ZMYM2: variants seen among roughly 807,000 people sequenced by gnomAD.
ZMYM2 encodes the protein zinc finger MYM-type containing 2.
A neutral mutation model predicts 162.8 loss-of-function variants in ZMYM2; 56 were observed. The ratio of observed to expected loss-of-function variants is 0.34; its 90% CI spans 0.28 to 0.43. The LOEUF is 0.43. Ranked by LOEUF, ZMYM2 falls within the 20% of genes least tolerant of loss-of-function variation. The pLI is 1.00. For missense variants in ZMYM2, 1,275 were observed against 1,621.8 expected (o/e 0.79, Z 3.67); for synonymous variants, 510 against 541.6 (o/e 0.94, Z 0.81).
intron 6 of ZMYM2, among the ~76,000 whole-genome samples, chr13:20,011,085 A>T (rs769017711): frequency 1.3e-5 from 2 of 152,206 alleles, no homozygotes; most frequent in Admixed American, 6.5e-5. Context: ...TGTTGGGAAC[A>T]TTCGAAATTC....
the ZMYM2 span, among the ~76,000 whole-genome samples, chr13:19,894,667 TA>T: frequency 6.6e-6 from 1 of 151,982 alleles, no homozygotes; most frequent in South Asian, 2.1e-4. Context: ...TAATATAATT[TA>T]TTAACTACTG....
intron 3 of ZMYM2, among the ~76,000 whole-genome samples, chr13:19,994,187 G>T (rs1221787263): frequency 2.0e-5 from 3 of 152,188 alleles, no homozygotes; most frequent in Admixed American, 2.0e-4. Flanking sequence ...CATCACCAAA[G>T]TCTGATAATT....
chr13:19,904,970 G>A, the ZMYM2 span, among the ~76,000 whole-genome samples: 8,181 of 148,984 alleles, frequency 0.055, 294 homozygotes, highest in Middle Eastern at 0.11. Flanking sequence ...GAATAATGCT[G>A]TTATGAACAA....
intron 5 of ZMYM2, 98 bp from the exon 6 acceptor site, chr13:20,006,276 C>CCTT: frequency 8.0e-7 from 1 of 1,251,866 alleles, no homozygotes; most frequent in Non-Finnish European, 1.1e-6. Flanking sequence ...TCCAAACAAG[C>CCTT]CTTATTAGGA....
chr13:19,917,596 TA>T, the ZMYM2 span, among the ~76,000 whole-genome samples: 268 of 133,152 alleles, frequency 2.0e-3, 1 homozygote, highest in South Asian at 4.4e-3. Flanking sequence ...ATCTCAAATT[TA>T]AAAAAAAAAA....
chr13:20,005,056 G>A lies in ZMYM2; in HGVS notation c.1134-18G>A. The A allele has an allele frequency of 6.3e-7, 1 of 1,583,648 alleles. No homozygotes were observed. The highest frequency in any genetic ancestry group is 1.4e-5 in the African/African-American group (1 of 73,010). On this transcript the variant is annotated intron_variant, in intron 4 of 24. Coordinates refer to ENST00000610343, the MANE Select transcript of ZMYM2 (RefSeq NM_197968.4). Reference sequence around the variant, plus strand: ...TTCTTTTAAAATGGAATTTTAATATGTACCACTTATTTTTCAGAGATATAA... The same window carrying A: ...TTCTTTTAAAATGGAATTTTAATATATACCACTTATTTTTCAGAGATATAA...
chr13:19,909,825 T>C, the ZMYM2 span, among the ~76,000 whole-genome samples: 6 of 152,144 alleles, frequency 3.9e-5, no homozygotes, highest in Non-Finnish European at 7.3e-5. Flanking sequence ...TCAAAATAAC[T>C]TCTCGTGTTT....
At chr13:19,986,374 A>AC (rs940394974) in intron 2 of ZMYM2, among the ~76,000 whole-genome samples, 1 of 151,310 alleles carries the variant, frequency 6.6e-6, no homozygotes, top group Non-Finnish European at 1.5e-5. Context: ...ACAAAAACAA[A>AC]AAAAAAAAGA....
chr13:20,052,713 A>G (rs781057973), intron 14 of ZMYM2, among the ~76,000 whole-genome samples: 12 of 152,182 alleles, frequency 7.9e-5, no homozygotes, highest in Non-Finnish European at 1.8e-4. Context: ...AGCTGACTGT[A>G]AACAGTTGAG....
chr13:19,896,488 G>A, the ZMYM2 span, among the ~76,000 whole-genome samples: 1 of 150,926 alleles, frequency 6.6e-6, no homozygotes, highest in African/African-American at 2.5e-5. Flanking sequence ...TGAGCGTGGT[G>A]GCTCACGCCT....
chr13:20,084,645 A>G (rs1593294702), intron 24 of ZMYM2, among the ~76,000 whole-genome samples: 1 of 152,316 alleles, frequency 6.6e-6, no homozygotes, highest in Non-Finnish European at 1.5e-5. Context: ...GAAAAATGGA[A>G]TCATGTTCTG....
intron 2 of ZMYM2, among the ~76,000 whole-genome samples, chr13:19,980,752 C>CAAAAAAAA (rs914320015): frequency 3.2e-5 from 1 of 31,228 alleles, no homozygotes; most frequent in African/African-American, 9.3e-5. Flanking sequence ...GACTCCATCT[C>CAAAAAAAA]AAAAAAAAAA....
intron 21 of ZMYM2, chr13:20,071,813 C>A (rs1024160004): frequency 5.5e-6 from 1 of 182,642 alleles, no homozygotes; most frequent in Non-Finnish European, 1.2e-5. Context: ...GCCTCCAGAC[C>A]CCATCTTTCT....
intron 14 of ZMYM2, among the ~76,000 whole-genome samples, chr13:20,056,301 T>C (rs1955788707): frequency 6.6e-6 from 1 of 152,222 alleles, no homozygotes. Flanking sequence ...TGCTTCATCC[T>C]AGAAGTTGAA....
At position 20,005,062 on chromosome 13, in the gene ZMYM2, C is replaced by T. The variant is rs779860348; in HGVS notation, c.1134-12C>T. The stretch of plus-strand genomic sequence containing the variant: ...TAAAATGGAATTTTAATATGTACCA[C>T]TTATTTTTCAGAGATATAACTACAA... On this transcript the variant is annotated splice_polypyrimidine_tract_variant and intron_variant, in intron 4 of 24. Transcript: ENST00000610343. 2 of 1,587,240 alleles carry T rather than the reference C, an allele frequency of 1.3e-6. No individual in the cohort carries two copies. The highest frequency in any genetic ancestry group is 1.2e-5 in the South Asian group (1 of 85,886).
At chr13:20,019,708 A>G (rs1293269897) in intron 7 of ZMYM2, 90 bp downstream of exon 7, 1 of 1,175,038 alleles carries the variant, frequency 8.5e-7, no homozygotes, top group Admixed American at 2.3e-5. Context: ...AATCTTGTCC[A>G]ATTTGAAATA....
the ZMYM2 span, among the ~76,000 whole-genome samples, chr13:19,904,415 G>A: frequency 7.4e-6 from 1 of 135,690 alleles, no homozygotes; most frequent in Non-Finnish European, 1.5e-5. Context: ...AACGTTAGCC[G>A]GGCGTGGTGG....
chr13:20,071,953 T>G (rs1957118340), intron 21 of ZMYM2: 1 of 189,560 alleles, frequency 5.3e-6, no homozygotes. Flanking sequence ...GGGAACAAAG[T>G]TATATAATTG....
At chr13:19,875,874 A>G in the ZMYM2 span, among the ~76,000 whole-genome samples, 1 of 152,102 alleles carries the variant, frequency 6.6e-6, no homozygotes, top group Non-Finnish European at 1.5e-5. Context: ...ATTGAGTACT[A>G]TGTTCACTAT....
Sources: gnomAD v4.1 joint callset for allele counts (sites outside exome capture counted in the v4.1 genomes callset) on GRCh38, gnomAD v4.1.1 for gene constraint, MANE v1.5 for transcripts, NCBI Gene and HGNC (gene_info 2026-07-23, HGNC 2026-07-21) for gene names.